TMEM132D: variants seen among roughly 807,000 people sequenced by gnomAD.
TMEM132D encodes the protein mature OL transmembrane protein.
In TMEM132D, 21 loss-of-function variants were observed where a neutral mutation model predicts 62.3. The observed-to-expected ratio is 0.34, with a 90% CI of 0.24 to 0.49. The LOEUF (loss-of-function observed/expected upper bound fraction) is 0.49, where lower values mean the gene tolerates loss of function less well. TMEM132D is among the 20% of genes least tolerant of loss of function. The pLI is 0.99. For missense variants in TMEM132D, 1,346 were observed against 1,402.8 expected (o/e 0.96, Z 0.65); for synonymous variants, 621 against 575.6 (o/e 1.08, Z -1.13).
chr12:129,501,843 T>C (rs889686622), intron 3 of TMEM132D, among the ~76,000 whole-genome samples: 2 of 152,192 alleles, frequency 1.3e-5, no homozygotes, highest in Non-Finnish European at 2.9e-5. Context: ...ATAACAACCA[T>C]GTGAGGGCTT....
At chr12:129,134,166 CTGTGTGTG>C (rs150672060) in intron 5 of TMEM132D, among the ~76,000 whole-genome samples, 1 of 137,870 alleles carries the variant, frequency 7.3e-6, no homozygotes, top group Non-Finnish European at 1.6e-5. Flanking sequence ...GTGTGTGTGT[CTGTGTGTG>C]TGTGTCTGTG....
chr12:129,313,993 C>T (rs957388967), intron 4 of TMEM132D, among the ~76,000 whole-genome samples: 2 of 152,112 alleles, frequency 1.3e-5, no homozygotes, highest in Non-Finnish European at 2.9e-5. Flanking sequence ...TGTTTGCTGG[C>T]CATTTGTATA....
At chr12:129,102,852 C>G (rs1875358850) in intron 5 of TMEM132D, among the ~76,000 whole-genome samples, 1 of 152,198 alleles carries the variant, frequency 6.6e-6, no homozygotes, top group Admixed American at 6.5e-5. Flanking sequence ...GTTTACAGCC[C>G]TTGAAGCTTT....
intron 4 of TMEM132D, among the ~76,000 whole-genome samples, chr12:129,236,521 AAAAAAAAAAAG>A (rs1386141353): frequency 6.7e-6 from 1 of 148,294 alleles, no homozygotes; most frequent in Non-Finnish European, 1.5e-5. Flanking sequence ...TCTCAAAAAA[AAAAAAAAAAAG>A]AAAAAAAAAA....
At chr12:129,380,233 C>T (rs1334565255) in intron 3 of TMEM132D, among the ~76,000 whole-genome samples, 2 of 152,146 alleles carry the variant, frequency 1.3e-5, no homozygotes, top group African/African-American at 2.4e-5. Context: ...GCATACTAAA[C>T]TGCTCATTAG....
At chr12:129,792,452 T>A (rs963332478) in intron 1 of TMEM132D, among the ~76,000 whole-genome samples, 2 of 152,228 alleles carry the variant, frequency 1.3e-5, no homozygotes, top group African/African-American at 4.8e-5. Context: ...CAATGTTAGC[T>A]ATTTTTATAA....
chr12:129,786,416 C>T (rs1871249171), intron 1 of TMEM132D, among the ~76,000 whole-genome samples: 1 of 152,126 alleles, frequency 6.6e-6, no homozygotes, highest in Non-Finnish European at 1.5e-5. Flanking sequence ...GAAAATGGGG[C>T]CTGCTTTTGT....
chr12:129,606,660 G>A (rs983052462), intron 2 of TMEM132D, among the ~76,000 whole-genome samples: 1 of 152,174 alleles, frequency 6.6e-6, no homozygotes, highest in African/African-American at 2.4e-5. Context: ...CTTTTGGGAA[G>A]GATAGGGAGA....
intron 2 of TMEM132D, among the ~76,000 whole-genome samples, chr12:129,610,807 C>T (rs1435812963): frequency 6.6e-6 from 1 of 151,928 alleles, no homozygotes; most frequent in Non-Finnish European, 1.5e-5. Context: ...GTTCCTAGGA[C>T]ATATTAGGAA....
chr12:129,547,933 T>C (rs1455391829), intron 2 of TMEM132D, among the ~76,000 whole-genome samples: 2 of 152,156 alleles, frequency 1.3e-5, no homozygotes, highest in Non-Finnish European at 2.9e-5. Context: ...CACACTGTGC[T>C]GTGCTGTTAC....
chr12:129,232,326 G>A (rs1431216063), intron 4 of TMEM132D, among the ~76,000 whole-genome samples: 1 of 152,188 alleles, frequency 6.6e-6, no homozygotes. Context: ...GACAGAGAGG[G>A]CAAACTGGCA....
intron 5 of TMEM132D, among the ~76,000 whole-genome samples, chr12:129,208,434 C>A (rs1878921145): frequency 6.6e-6 from 1 of 152,152 alleles, no homozygotes. Context: ...GACATCTCTG[C>A]CTTCTCTCTG....
chr12:129,443,429 T>C (rs1455915868), intron 3 of TMEM132D, among the ~76,000 whole-genome samples: 3 of 151,130 alleles, frequency 2.0e-5, no homozygotes, highest in Non-Finnish European at 4.4e-5. Flanking sequence ...GATCTGATGA[T>C]AAATATGAGA....
At chr12:129,564,467 G>A (rs771503474) in intron 2 of TMEM132D, among the ~76,000 whole-genome samples, 16 of 152,112 alleles carry the variant, frequency 1.1e-4, no homozygotes, top group South Asian at 4.1e-4. Context: ...AGCACTTTGC[G>A]GAGGAAGAAG....
chr12:129,306,270 A>T (rs1426770931), intron 4 of TMEM132D, among the ~76,000 whole-genome samples: 1 of 152,212 alleles, frequency 6.6e-6, no homozygotes, highest in Admixed American at 6.5e-5. Context: ...GTTTGATAAT[A>T]TTATCTCATT....
At chr12:129,239,312 G>A (rs1188490607) in intron 4 of TMEM132D, among the ~76,000 whole-genome samples, 2 of 152,132 alleles carry the variant, frequency 1.3e-5, no homozygotes, top group Middle Eastern at 3.4e-3. Context: ...TTTTCGTTAT[G>A]TTTCTTTCTA....
intron 2 of TMEM132D, among the ~76,000 whole-genome samples, chr12:129,538,099 T>A (rs541662809): frequency 6.6e-6 from 1 of 152,328 alleles, no homozygotes; most frequent in Non-Finnish European, 1.5e-5. Context: ...CTGTCACTTC[T>A]GAGATTTACG....
chr12:129,455,009 G>T (rs146187389), intron 3 of TMEM132D, among the ~76,000 whole-genome samples: 1 of 152,192 alleles, frequency 6.6e-6, no homozygotes, highest in Non-Finnish European at 1.5e-5. Flanking sequence ...GTTCAGCCCC[G>T]TCTCTCAGGA....
Position 129,071,890 on chromosome 12 carries a change from C to T in TMEM132D, c.*1985G>A, listed in dbSNP as rs1014858601. On this transcript the variant is annotated 3_prime_UTR_variant, in exon 9 of 9. Coordinates refer to ENST00000422113, the MANE Select transcript of TMEM132D (RefSeq NM_133448.3). ...GTAAGAATGGAAAGAAATATGAGGA[C>T]GTTACTGAAAGCAAAGGATTCTCAT... The T allele has an allele frequency of 2.0e-5, 3 of 152,136 alleles. No homozygotes were observed. Among genetic ancestry groups the T allele is most frequent in the African/African-American group, 7.2e-5 (3 of 41,414 alleles). 9.4% of individuals were successfully genotyped at this position (152,136 alleles called of 1,614,324 possible).
Sources: gnomAD v4.1 joint callset for allele counts (sites outside exome capture counted in the v4.1 genomes callset) on GRCh38, gnomAD v4.1.1 for gene constraint, MANE v1.5 for transcripts, NCBI Gene and HGNC (gene_info 2026-07-23, HGNC 2026-07-21) for gene names.